ICA1: variants seen among roughly 807,000 people sequenced by gnomAD.
The protein encoded by ICA1 is 69 kDa islet cell autoantigen.
In ICA1, 40 loss-of-function variants were observed where a neutral mutation model predicts 71.0. That is an observed-to-expected ratio of 0.56 (90% confidence interval 0.44 to 0.73). ICA1 has a LOEUF of 0.73. Among genes scored for constraint, ICA1 ranks in the 30% least tolerant of loss-of-function variants. The probability of loss-of-function intolerance (pLI) is 0.00; values close to 1 mark genes in which losing one functional copy is unlikely to be tolerated. For missense variants in ICA1, 578 were observed against 576.5 expected (o/e 1.00, Z -0.03); for synonymous variants, 207 against 209.5 (o/e 0.99, Z 0.10).
intron 8 of ICA1, among the ~76,000 whole-genome samples, chr7:8,152,602 G>C (rs113829919): frequency 0.1 from 3,722 of 35,818 alleles, 2 homozygotes; most frequent in South Asian, 0.18. Flanking sequence ...ACTACCCCCA[G>C]CACTACCACC....
intron 6 of ICA1, among the ~76,000 whole-genome samples, chr7:8,159,158 C>T (rs1231314155): frequency 6.6e-6 from 1 of 152,178 alleles, no homozygotes; most frequent in Non-Finnish European, 1.5e-5. Context: ...CCAGTTTTCC[C>T]ACTAATGTCC....
intron 12 of ICA1, among the ~76,000 whole-genome samples, chr7:8,138,023 C>T (rs533585281): frequency 6.6e-6 from 1 of 152,272 alleles, no homozygotes; most frequent in South Asian, 2.1e-4. Flanking sequence ...GCATGGGATG[C>T]TCTGGAGTTT....
At chr7:8,116,752 C>A (rs967960944) in intron 13 of ICA1, among the ~76,000 whole-genome samples, 1 of 152,204 alleles carries the variant, frequency 6.6e-6, no homozygotes, top group South Asian at 2.1e-4. Context: ...CACATCTTCT[C>A]GACTTCCAAT....
intron 5 of ICA1, among the ~76,000 whole-genome samples, chr7:8,220,699 T>C (rs961189844): frequency 3.3e-5 from 5 of 152,172 alleles, no homozygotes; most frequent in African/African-American, 1.2e-4. Flanking sequence ...GTACCAGAGC[T>C]TCGCAAACTT....
rs148267518 is a variant in ICA1 at position 8,218,358 on chromosome 7, C to G, written c.526G>C (p.Val176Leu). Residue 176 changes from valine (V) to leucine (L), a missense_variant, in exon 6 of 14, where the codon GTG (valine) becomes CTG (leucine). Transcript: ENST00000402384. ...AGGTCTGGATCAAGCTCCTGAGACACGTCCTTCATCCATAATAGTGCTCCT... is the reference window on the plus strand; with the variant it reads ...AGGTCTGGATCAAGCTCCTGAGACAGGTCCTTCATCCATAATAGTGCTCCT... Reference protein sequence around the residue: ...YRGALLWMKDVSQELDPDLYK... With the variant: ...YRGALLWMKDLSQELDPDLYK... The G allele has an allele frequency of 6.2e-7, 1 of 1,614,010 alleles. No individual in the cohort carries two copies. The highest frequency in any genetic ancestry group is 1.1e-5 in the South Asian group (1 of 91,084).
chr7:8,213,908 A>C (rs1343764170), intron 6 of ICA1, among the ~76,000 whole-genome samples: 4 of 152,250 alleles, frequency 2.6e-5, no homozygotes, highest in Non-Finnish European at 5.9e-5. Context: ...TATTTTAAAT[A>C]GATACGCACC....
At chr7:8,180,678 T>C (rs1781933282) in intron 6 of ICA1, among the ~76,000 whole-genome samples, 1 of 152,142 alleles carries the variant, frequency 6.6e-6, no homozygotes, top group Admixed American at 6.5e-5. Context: ...ATTTTAGCCA[T>C]TGGGTGGGTT....
intron 6 of ICA1, among the ~76,000 whole-genome samples, chr7:8,163,954 G>C (rs942247547): frequency 6.6e-6 from 1 of 152,124 alleles, no homozygotes; most frequent in African/African-American, 2.4e-5. Context: ...CCTATTTTCA[G>C]TTTGAAAGAT....
chr7:8,152,954 T>TCACCTCCACCACCACC (rs1562706935), intron 8 of ICA1, among the ~76,000 whole-genome samples: 1 of 144,904 alleles, frequency 6.9e-6, no homozygotes, highest in African/African-American at 2.5e-5. Flanking sequence ...CTTCCACCAC[T>TCACCTCCACCACCACC]ACCATCATCT....
chr7:8,178,574 CTTTT>C (rs879700745), intron 6 of ICA1, among the ~76,000 whole-genome samples: 10 of 138,222 alleles, frequency 7.2e-5, no homozygotes, highest in Non-Finnish European at 7.8e-5. Flanking sequence ...TTGGTGTGGT[CTTTT>C]TTTTTTTTTT....
At chr7:8,179,997 C>T (rs575713991) in intron 6 of ICA1, among the ~76,000 whole-genome samples, 2 of 152,082 alleles carry the variant, frequency 1.3e-5, no homozygotes, top group East Asian at 1.9e-4. Flanking sequence ...TCTCAAACTC[C>T]TTATTATCAG....
chr7:8,257,500 G>C (rs1810614291), intron 1 of ICA1, among the ~76,000 whole-genome samples: 1 of 152,166 alleles, frequency 6.6e-6, no homozygotes, highest in Non-Finnish European at 1.5e-5. Flanking sequence ...ACTAGAACCA[G>C]AGGACCTTTC....
chr7:8,221,911 G>A (rs1193244276), intron 4 of ICA1, among the ~76,000 whole-genome samples: 1 of 152,148 alleles, frequency 6.6e-6, no homozygotes, highest in African/African-American at 2.4e-5. Flanking sequence ...GACGGAGGGT[G>A]GGGAGGTCAT....
intron 6 of ICA1, among the ~76,000 whole-genome samples, chr7:8,202,032 T>A (rs1437926951): frequency 1.3e-5 from 2 of 152,034 alleles, no homozygotes; most frequent in Non-Finnish European, 2.9e-5. Flanking sequence ...CCCAATGCCC[T>A]CCCTCCTGGG....
At chr7:8,191,167 T>C (rs921952517) in intron 6 of ICA1, among the ~76,000 whole-genome samples, 1 of 152,250 alleles carries the variant, frequency 6.6e-6, no homozygotes, top group African/African-American at 2.4e-5. Flanking sequence ...CCTGCTATCA[T>C]CTAGTCTTAG....
At chr7:8,165,936 A>C (rs1047418754) in intron 6 of ICA1, among the ~76,000 whole-genome samples, 1 of 152,242 alleles carries the variant, frequency 6.6e-6, no homozygotes, top group African/African-American at 2.4e-5. Flanking sequence ...TGAAATGTCC[A>C]TACTGCCCAA....
At chr7:8,166,759 A>G (rs1584809491) in intron 6 of ICA1, among the ~76,000 whole-genome samples, 1 of 152,234 alleles carries the variant, frequency 6.6e-6, no homozygotes, top group African/African-American at 2.4e-5. Flanking sequence ...AGGGTCTAAT[A>G]TCCAGAATCT....
rs182824459 is a variant in ICA1, at chr7:8,143,855, G to A, written c.902+20C>T. On this transcript the variant is annotated intron_variant, in intron 9 of 13. Transcript: ENST00000402384. ...CACCTGTGGGAAGAAAGATGCAGAGGGAAGGAACCTGTGACTTACTGGCTC... is the reference window on the plus strand; with the variant it reads ...CACCTGTGGGAAGAAAGATGCAGAGAGAAGGAACCTGTGACTTACTGGCTC... 37 of 1,509,708 alleles carry A rather than the reference G, an allele frequency of 2.5e-5. 1 individual carries two copies. In the East Asian group the frequency reaches 8.3e-4, roughly 34 times the overall value. 93.5% of individuals were successfully genotyped at this position (1,509,708 alleles called of 1,614,324 possible).
intron 13 of ICA1, among the ~76,000 whole-genome samples, chr7:8,118,953 G>A (rs56314523): frequency 0.3 from 45,631 of 152,068 alleles, 7,129 homozygotes; most frequent in African/African-American, 0.4. Flanking sequence ...GGTAGAGCCC[G>A]GGAAGATTTT....
Sources: allele counts gnomAD v4.1 joint callset (sites outside exome capture counted in the v4.1 genomes callset), GRCh38; gene constraint gnomAD v4.1.1; transcripts MANE v1.5; gene names NCBI Gene and HGNC (gene_info 2026-07-23, HGNC 2026-07-21).